FGFR1: variants seen among roughly 807,000 people sequenced by gnomAD.
FGFR1 encodes the protein FGFR1/PLAG1 fusion.
A neutral mutation model predicts 93.7 loss-of-function variants in FGFR1; 18 were observed. The ratio of observed to expected loss-of-function variants is 0.19; its 90% confidence interval spans 0.13 to 0.28. FGFR1 has a LOEUF of 0.28. FGFR1 is among the 10% of genes least tolerant of loss of function. FGFR1 has a pLI of 1.00. For synonymous variants in FGFR1, 448 were observed against 429.3 expected, an observed-to-expected ratio of 1.04 and a Z score of -0.54; for missense variants, 731 against 1,080.4, an observed-to-expected ratio of 0.68 and a Z score of 4.53.
intron 2 of FGFR1, among the ~76,000 whole-genome samples, chr8:38,451,649 C>A (rs533674515): frequency 1.6e-4 from 24 of 152,244 alleles, no homozygotes; most frequent in East Asian, 5.8e-4. Flanking sequence ...ACCTCTCCCC[C>A]CTCTAACAAG....
In FGFR1 at chr8:38,415,861, G is replaced by A. The variant is rs771678301; in HGVS notation, c.1854+9C>T. ...TGGCATTACCCAGGGGAGCCTTCAG[G>A]TTCCACACCTTCTTGGAGGCCAGAT... On this transcript the variant is annotated intron_variant, in intron 13 of 17. Transcript: ENST00000447712. 26 of 1,613,050 alleles carry A rather than the reference G, an allele frequency of 1.6e-5. No homozygotes were observed. The South Asian group carries it at 2.6e-4, about 16-fold the overall frequency.
chr8:38,454,763 C>T (rs1320541621), intron 2 of FGFR1, among the ~76,000 whole-genome samples: 4 of 152,212 alleles, frequency 2.6e-5, no homozygotes, highest in East Asian at 3.9e-4. Flanking sequence ...CAAACTGTGA[C>T]GTATGGTGTT....
chr8:38,429,588 G>A lies in FGFR1; in HGVS notation c.358+94C>T, dbSNP rs935613264. On this transcript the variant is annotated intron_variant, in intron 3 of 17. Coordinates refer to ENST00000447712, the MANE Select transcript of FGFR1 (RefSeq NM_023110.3). The surrounding 1 kb of genome is among the most constrained non-coding windows in gnomAD (Gnocchi z 4.4). Reference sequence around the variant, plus strand: ...CTGAAGCAGAGTGGGGGCAGATCACGGAGGGGGAGGAGGTTCACCTTCCTC... The same window carrying A: ...CTGAAGCAGAGTGGGGGCAGATCACAGAGGGGGAGGAGGTTCACCTTCCTC... 1.4e-5 allele frequency: 19 copies of A among 1,335,916 alleles called. 1 individual carries two copies. The highest frequency in any genetic ancestry group is 7.6e-5 in the East Asian group (3 of 39,680). The allele number at this position is 1,335,916 out of a possible 1,614,324, so 82.8% of individuals were successfully genotyped here.
At chr8:38,427,878 C>T (rs2150907127) in intron 5 of FGFR1, 43 bp downstream of exon 5, 2 of 1,611,050 alleles carry the variant, frequency 1.2e-6, no homozygotes, top group Non-Finnish European at 1.7e-6. Flanking sequence ...ACTCGGCCTC[C>T]CCTGTTCCCA....
rs1443012936 is a variant in FGFR1 at position 38,424,625 on chromosome 8, C to G, written c.820G>C (p.Glu274Gln). The G allele has an allele frequency of 1.2e-6, 2 of 1,614,118 alleles. No homozygotes were observed. The highest frequency in any genetic ancestry group is 1.7e-6 in the Non-Finnish European group (2 of 1,179,938). The change falls in exon 7 of 18, where the codon GAG becomes CAG. Residue 274 changes from glutamate to glutamine, a missense_variant. By Grantham distance (29) the Glu-to-Gln change is conservative. Around this residue, in one of 10 missense-constraint regions of FGFR1, gnomAD observed 109 missense variants for 249.4 expected, o/e 0.44. Coordinates refer to ENST00000447712, the MANE Select transcript of FGFR1 (RefSeq NM_023110.3). The surrounding 1 kb of genome is among the most constrained non-coding windows in gnomAD (Gnocchi z 4.3). ...TCACTGTACACCTTACACATGAACTCCACGTTGCTACCCAGGGCCACTGTT... is the reference window on the plus strand; with the variant it reads ...TCACTGTACACCTTACACATGAACTGCACGTTGCTACCCAGGGCCACTGTT... The part of the protein sequence containing the change: ...NKTVALGSNV[E>Q]FMCKVYSDPQ...
chr8:38,456,440 T>C (rs960741743), intron 2 of FGFR1, among the ~76,000 whole-genome samples: 2 of 152,180 alleles, frequency 1.3e-5, no homozygotes, highest in African/African-American at 2.4e-5. Context: ...TGCCCCTTTA[T>C]GCTTCCTGGG....
chr8:38,414,986 G>C, intron 13 of FGFR1, 85 bp from the exon 14 acceptor site: 1 of 1,113,356 alleles, frequency 9.0e-7, no homozygotes, highest in Non-Finnish European at 1.3e-6. Flanking sequence ...GCAACTAGCC[G>C]ACTTGTCTCA....
rs576528249 is a variant in FGFR1, at chr8:38,453,194, C to T, written c.91+4162G>A. Among the ~76,000 whole-genome samples the T allele has an allele frequency of 4.6e-4, 70 of 152,292 alleles. No homozygotes were observed. In the South Asian group the frequency reaches 8.1e-3, roughly 18 times the overall value. On this transcript the variant is annotated intron_variant, in intron 2 of 17. Transcript: ENST00000447712. The stretch of plus-strand genomic sequence containing the variant: ...TGAAAGCACCACACTCACACTGAGA[C>T]GGGGGCTTACTCCACCAAACAGAGA...
At chr8:38,440,410 GTT>G in intron 2 of FGFR1, 1 of 1,532,184 alleles carries the variant, frequency 6.5e-7, no homozygotes, top group Admixed American at 2.0e-5. Context: ...CCAAAAATGT[GTT>G]TCTCTCAACT....
intron 2 of FGFR1, among the ~76,000 whole-genome samples, chr8:38,431,476 C>T (rs567766659): frequency 6.6e-6 from 1 of 152,340 alleles, no homozygotes; most frequent in East Asian, 1.9e-4. Context: ...CACGTGCAGT[C>T]ACTCTGGCTC....
At chr8:38,441,662 C>A (rs560592081) in intron 2 of FGFR1, among the ~76,000 whole-genome samples, 2 of 152,306 alleles carry the variant, frequency 1.3e-5, no homozygotes, top group Non-Finnish European at 2.9e-5. Context: ...AGATGCCCTG[C>A]GGCTATGGAG....
chr8:38,467,006 T>C lies in FGFR1; in HGVS notation c.-89+975A>G, dbSNP rs143210711. On this transcript the variant is annotated intron_variant, in intron 1 of 17. Transcript: ENST00000447712. ...AAAATTCCTCCGCAAACATGGGTCG[T>C]AGCCTCACTTTTCTCCCAACCCCAA... Among the ~76,000 whole-genome samples the C allele has an allele frequency of 3.2e-4, 49 of 151,760 alleles. 1 individual carries two copies. The East Asian group carries it at 7.6e-3, about 24-fold the overall frequency.
At chr8:38,437,675 T>C (rs1401981007) in intron 2 of FGFR1, among the ~76,000 whole-genome samples, 1 of 152,152 alleles carries the variant, frequency 6.6e-6, no homozygotes, top group African/African-American at 2.4e-5. Flanking sequence ...GCTGTACAGC[T>C]GGCCAGGAAC....
intron 2 of FGFR1, among the ~76,000 whole-genome samples, chr8:38,447,051 A>C (rs1829517773): frequency 6.6e-6 from 1 of 150,644 alleles, no homozygotes; most frequent in Non-Finnish European, 1.5e-5. Flanking sequence ...CCTGTGACTG[A>C]TGTGTAACCT....
intron 9 of FGFR1, chr8:38,418,737 A>C: frequency 2.9e-6 from 1 of 341,896 alleles, no homozygotes; most frequent in Non-Finnish European, 5.6e-6. Context: ...ACCTTCCAGA[A>C]TGAGCACAGG....
At chr8:38,452,206 C>CAG (rs1160197756) in intron 2 of FGFR1, among the ~76,000 whole-genome samples, 175 of 25,866 alleles carry the variant, frequency 6.8e-3, no homozygotes, top group African/African-American at 0.019. Context: ...CACAGACACA[C>CAG]ACACACACAC....
chr8:38,468,599 C>G lies in FGFR1; in HGVS notation c.-707G>C, dbSNP rs1305530319. 4.8e-5 allele frequency: 11 copies of G among 229,720 alleles called. No homozygotes were observed. In the Admixed American group the frequency reaches 5.7e-4, roughly 12 times the overall value. The allele number at this position is 229,720 out of a possible 1,614,324, so 14.2% of individuals were successfully genotyped here. On this transcript the variant is annotated 5_prime_UTR_variant, in exon 1 of 18. Transcript: ENST00000447712. ...AGCTGCCGCCCGCCGCCGAGGACGC[C>G]GCGCCTGTGGCCGCAAGAGCGCTCC...
intron 4 of FGFR1, 114 bp from the exon 5 acceptor site, chr8:38,428,207 G>A (rs1450106873): frequency 1.3e-6 from 2 of 1,503,036 alleles, no homozygotes; most frequent in Non-Finnish European, 9.2e-7. Flanking sequence ...CCCAACACCT[G>A]TGAGCAGTGC....
chr8:38,464,554 G>A (rs1835117680), intron 1 of FGFR1, among the ~76,000 whole-genome samples: 1 of 152,040 alleles, frequency 6.6e-6, no homozygotes, highest in African/African-American at 2.4e-5. Flanking sequence ...TGCAACCTTA[G>A]GAGGAAAAAC....
Sources: allele counts gnomAD v4.1 joint callset (sites outside exome capture counted in the v4.1 genomes callset), GRCh38; gene constraint gnomAD v4.1.1; regional missense constraint gnomAD v4.1.1; non-coding constraint Gnocchi (gnomAD v3.1); transcripts MANE v1.5; gene names NCBI Gene and HGNC (gene_info 2026-07-23, HGNC 2026-07-21).